The following OSBPL10 variants were observed in gnomAD, a reference collection of about 807,000 sequenced individuals.
OSBPL10 encodes the protein oxysterol-binding protein-related protein 10.
Under a neutral mutation model 81.7 loss-of-function variants are expected in OSBPL10, and 49 were observed. That is an observed-to-expected ratio of 0.60 (90% confidence interval 0.48 to 0.76). The LOEUF (loss-of-function observed/expected upper bound fraction) is 0.76, where lower values mean the gene tolerates loss of function less well. OSBPL10 is among the 30% of genes least tolerant of loss of function. OSBPL10 has a pLI of 0.00. For missense variants in OSBPL10, 923 were observed against 987.8 expected (o/e 0.93, Z 0.88); for synonymous variants, 419 against 383.6 (o/e 1.09, Z -1.08).
chr3:31,959,641 A>G lies in OSBPL10; in HGVS notation c.281+21258T>C, dbSNP rs74954237. Among the ~76,000 whole-genome samples, 2,273 of 152,332 alleles carry G rather than the reference A, an allele frequency of 0.015. 159 individuals carry two copies. The East Asian group carries it at 0.22, about 15-fold the overall frequency. ...TTGCTATATAACAAAACACAAGGCAAAAAGACCATTTTTAGCATCACCTTT... is the reference window on the plus strand; with the variant it reads ...TTGCTATATAACAAAACACAAGGCAGAAAGACCATTTTTAGCATCACCTTT... On this transcript the variant is annotated intron_variant, in intron 1 of 11. Coordinates refer to ENST00000396556, the MANE Select transcript of OSBPL10 (RefSeq NM_017784.5).
At chr3:31,742,472 A>T (rs749619482) in intron 5 of OSBPL10, among the ~76,000 whole-genome samples, 2 of 152,146 alleles carry the variant, frequency 1.3e-5, no homozygotes, top group Non-Finnish European at 2.9e-5. Context: ...TCTCAAATCT[A>T]TTCTCTTGAT....
At chr3:31,839,218 A>G (rs1473773659) in intron 3 of OSBPL10, among the ~76,000 whole-genome samples, 1 of 152,230 alleles carries the variant, frequency 6.6e-6, no homozygotes, top group Admixed American at 6.5e-5. Flanking sequence ...CCTTTTCCAA[A>G]CAGGCAGAAG....
intron 1 of OSBPL10, among the ~76,000 whole-genome samples, chr3:31,884,551 C>T (rs574612055): frequency 7.9e-4 from 120 of 152,296 alleles, no homozygotes; most frequent in African/African-American, 2.8e-3. Context: ...GGTCACATTC[C>T]CTGGTAGGAA....
At position 31,842,673 on chromosome 3, in the gene OSBPL10, ACT is replaced by A. The variant is rs150622878; in HGVS notation, c.538-12444_538-12443del. 4.3e-3 allele frequency among the ~76,000 whole-genome samples: 654 copies of A among 152,166 alleles called. 3 individuals are homozygous for A. Among genetic ancestry groups the A allele is most frequent in the African/African-American group, 0.015 (626 of 41,518 alleles). On this transcript the variant is annotated intron_variant, in intron 3 of 11. Transcript: ENST00000396556. ...TTCTCATTTCTTCCTGTCCCCAGAG[ACT>A]CTACTACCTGCTGAAGAGTCCAAAT...
chr3:31,671,584 A>T (rs2125515337), intron 8 of OSBPL10, among the ~76,000 whole-genome samples: 1 of 152,318 alleles, frequency 6.6e-6, no homozygotes, highest in Non-Finnish European at 1.5e-5. Context: ...GGTTCTCATG[A>T]AAATAGAGAA....
At chr3:31,902,256 G>A (rs934878496) in intron 1 of OSBPL10, among the ~76,000 whole-genome samples, 1 of 113,520 alleles carries the variant, frequency 8.8e-6, no homozygotes, top group Non-Finnish European at 1.8e-5. Flanking sequence ...CTTCTTGTCA[G>A]TATTTTTTTT....
At chr3:31,850,970 T>C (rs1376253221) in intron 3 of OSBPL10, among the ~76,000 whole-genome samples, 1 of 152,202 alleles carries the variant, frequency 6.6e-6, no homozygotes. Flanking sequence ...ATAATTTGGT[T>C]ATTAAGAAGT....
chr3:32,075,616 C>G (rs1699868100), intron 1 of OSBPL10, among the ~76,000 whole-genome samples: 1 of 152,198 alleles, frequency 6.6e-6, no homozygotes, highest in Non-Finnish European at 1.5e-5. Flanking sequence ...TCAGTTGAAT[C>G]TTTCCCACTG....
At chr3:32,044,729 G>A (rs145490379) in intron 2 of OSBPL10, among the ~76,000 whole-genome samples, 2,681 of 88,222 alleles carry the variant, frequency 0.03, 94 homozygotes, top group Middle Eastern at 0.12. Flanking sequence ...CAACAAGAGC[G>A]AAACTCCATC....
At chr3:31,952,692 C>T (rs1697902600) in intron 1 of OSBPL10, among the ~76,000 whole-genome samples, 1 of 152,154 alleles carries the variant, frequency 6.6e-6, no homozygotes, top group African/African-American at 2.4e-5. Context: ...TCAGACTGAC[C>T]TGTGTTAGAA....
chr3:31,798,686 G>C (rs1699301012), intron 4 of OSBPL10, among the ~76,000 whole-genome samples: 1 of 151,862 alleles, frequency 6.6e-6, no homozygotes, highest in African/African-American at 2.4e-5. Flanking sequence ...ACCTTCCCCT[G>C]CCTTTTGCCT....
At chr3:31,803,107 A>C (rs1002744299) in intron 4 of OSBPL10, among the ~76,000 whole-genome samples, 2 of 152,054 alleles carry the variant, frequency 1.3e-5, no homozygotes, top group Non-Finnish European at 2.9e-5. Flanking sequence ...AATCAATGAG[A>C]ACAGTGTGTA....
intron 4 of OSBPL10, among the ~76,000 whole-genome samples, chr3:31,806,533 G>T (rs199846071): frequency 6.6e-6 from 1 of 152,192 alleles, no homozygotes; most frequent in Non-Finnish European, 1.5e-5. Context: ...TTGAGCTTCC[G>T]CTTTGTACCC....
At position 32,068,418 on chromosome 3, in the gene OSBPL10, C is replaced by A. The variant is rs536802449; in HGVS notation, n.185+8978G>T. ...GCAGCCCAGGGCTGCTCCCCACCCC[C>A]CTTCTCCGTGTCTCTACCCTTCTCT... On this transcript the variant is annotated intron_variant and non_coding_transcript_variant, in intron 1 of 3. Coordinates refer to the OSBPL10 transcript ENST00000479173. Among the ~76,000 whole-genome samples the A allele has an allele frequency of 3.0e-4, 46 of 152,264 alleles. No homozygotes were observed. The East Asian group carries it at 8.3e-3, about 28-fold the overall frequency.
intron 4 of OSBPL10, among the ~76,000 whole-genome samples, chr3:31,751,164 A>G (rs543493022): frequency 6.6e-6 from 1 of 152,040 alleles, no homozygotes; most frequent in South Asian, 2.1e-4. Context: ...ACAAAAACAA[A>G]CAAACAACAA....
chr3:31,763,810 C>G (rs945626281), intron 4 of OSBPL10, among the ~76,000 whole-genome samples: 55 of 152,264 alleles, frequency 3.6e-4, no homozygotes, highest in African/African-American at 1.3e-3. Flanking sequence ...AATTTCACAC[C>G]TCCAGGCAAA....
intron 4 of OSBPL10, among the ~76,000 whole-genome samples, chr3:31,764,609 C>T (rs1698145014): frequency 6.6e-6 from 1 of 152,178 alleles, no homozygotes; most frequent in African/African-American, 2.4e-5. Flanking sequence ...TTTCATTGCC[C>T]CTAGTTTGTT....
chr3:31,931,014 C>CAAAAAAA (rs60251266), intron 1 of OSBPL10, among the ~76,000 whole-genome samples: 18 of 62,074 alleles, frequency 2.9e-4, no homozygotes, highest in African/African-American at 9.7e-4. Context: ...GACTCGGTCT[C>CAAAAAAA]AAAAAAAAAA....
At chr3:31,744,130 T>C (rs1479725069) in intron 5 of OSBPL10, among the ~76,000 whole-genome samples, 3 of 152,204 alleles carry the variant, frequency 2.0e-5, no homozygotes, top group Non-Finnish European at 2.9e-5. Context: ...CTGTGTTACA[T>C]GGAATATGAC....
Sources: allele counts gnomAD v4.1 joint callset (sites outside exome capture counted in the v4.1 genomes callset), GRCh38; gene constraint gnomAD v4.1.1; transcripts MANE v1.5; gene names NCBI Gene and HGNC (gene_info 2026-07-23, HGNC 2026-07-21).